Variants in EXOG observed in about 807,000 individuals in gnomAD.
EXOG encodes the protein exo/endonuclease G, also known as nuclease EXOG, mitochondrial.
Under a neutral mutation model 25.8 loss-of-function variants are expected in EXOG, and 27 were observed. The observed-to-expected ratio is 1.05, with a 90% CI of 0.77 to 1.45. EXOG has a LOEUF of 1.45. EXOG is among the 40% of genes most tolerant of loss of function. The pLI is 0.00. For synonymous variants in EXOG, 133 were observed against 167.0 expected (o/e 0.80, Z 1.57); for missense variants, 458 against 450.5 (o/e 1.02, Z -0.15).
At chr3:38,503,305 G>T (rs2060101976) in intron 3 of EXOG, among the ~76,000 whole-genome samples, 1 of 152,138 alleles carries the variant, frequency 6.6e-6, no homozygotes, top group African/African-American at 2.4e-5. Context: ...CTTTGCCAGA[G>T]GCTTAAAACC....
rs1298985572 is a variant in EXOG, at chr3:38,501,368, A to C, written c.327A>C (p.Arg109Ser). 1.2e-6 allele frequency: 2 copies of C among 1,613,434 alleles called. No homozygotes were observed. Among genetic ancestry groups the C allele is most frequent in the African/African-American group, 2.7e-5 (2 of 74,920 alleles). The change falls in exon 3 of 6, where the codon AGA (arginine) becomes AGC (serine). Residue 109 changes from arginine (R) to serine (S), a missense_variant. Physicochemically the swap from Arg to Ser is moderately radical, Grantham distance 110. Around this residue, in one of 3 missense-constraint regions of EXOG, gnomAD observed 275 missense variants for 230.5 expected, o/e 1.19. Coordinates refer to ENST00000287675, the MANE Select transcript of EXOG (RefSeq NM_005107.4). The stretch of plus-strand genomic sequence containing the variant: ...GTTTTTCTTCAGGTGATGCAGACAG[A>C]AAGCATTGTAAATTTAAGCCTGATC... The part of the protein sequence containing the change: ...SKSKIMGDAD[R>S]KHCKFKPDPN...
At chr3:38,496,906 T>C (rs1190695780) in intron 1 of EXOG, 1 of 1,164,742 alleles carries the variant, frequency 8.6e-7, no homozygotes, top group East Asian at 5.9e-5. Context: ...ACCAGCACAG[T>C]ACCTGGTACA....
At chr3:38,502,218 G>A (rs2060067651) in intron 3 of EXOG, among the ~76,000 whole-genome samples, 1 of 151,892 alleles carries the variant, frequency 6.6e-6, no homozygotes, top group Admixed American at 6.5e-5. Flanking sequence ...ACTGTGCTCA[G>A]CCACTCACTT....
chr3:38,506,187 T>G (rs372351484), intron 4 of EXOG, among the ~76,000 whole-genome samples: 1 of 151,750 alleles, frequency 6.6e-6, no homozygotes, highest in East Asian at 1.9e-4. Flanking sequence ...AAAAAAAAAA[T>G]ACTTGCCATT....
intron 5 of EXOG, among the ~76,000 whole-genome samples, chr3:38,521,955 A>G (rs1416290551): frequency 6.6e-6 from 1 of 152,218 alleles, no homozygotes; most frequent in Non-Finnish European, 1.5e-5. Flanking sequence ...TTAATTGTGG[A>G]CTTCCATAGG....
chr3:38,506,186 AT>A (rs1253201938), intron 4 of EXOG, among the ~76,000 whole-genome samples: 1 of 152,008 alleles, frequency 6.6e-6, no homozygotes, highest in African/African-American at 2.4e-5. Flanking sequence ...GAAAAAAAAA[AT>A]ACTTGCCATT....
chr3:38,510,342 G>T (rs529432132), intron 5 of EXOG, among the ~76,000 whole-genome samples: 1 of 152,232 alleles, frequency 6.6e-6, no homozygotes, highest in African/African-American at 2.4e-5. Flanking sequence ...TGCTAAAAAG[G>T]ATGTTATTGG....
intron 5 of EXOG, among the ~76,000 whole-genome samples, chr3:38,515,255 C>G (rs2060503600): frequency 6.6e-6 from 1 of 152,068 alleles, no homozygotes; most frequent in African/African-American, 2.4e-5. Context: ...ATGTATACCA[C>G]CATTTTATTT....
chr3:38,506,282 T>A (rs1465053862), intron 4 of EXOG, among the ~76,000 whole-genome samples: 1 of 152,240 alleles, frequency 6.6e-6, no homozygotes, highest in African/African-American at 2.4e-5. Flanking sequence ...GTGTTGTATT[T>A]TAATTTTTTA....
intron 1 of EXOG, chr3:38,497,336 G>T (rs1213723701): frequency 4.4e-6 from 5 of 1,123,910 alleles, no homozygotes; most frequent in Non-Finnish European, 3.3e-6. Context: ...AGATGATTTG[G>T]AAATTTGATG....
intron 3 of EXOG, among the ~76,000 whole-genome samples, chr3:38,502,185 T>C (rs1404909780): frequency 6.6e-6 from 1 of 152,056 alleles, no homozygotes; most frequent in Non-Finnish European, 1.5e-5. Context: ...CCTCCCAAAG[T>C]GCTGGGATTA....
At chr3:38,502,048 G>A (rs1378246131) in intron 3 of EXOG, among the ~76,000 whole-genome samples, 2 of 151,904 alleles carry the variant, frequency 1.3e-5, no homozygotes, top group African/African-American at 2.4e-5. Flanking sequence ...TCAGCCTCCC[G>A]AGTAGCTGGG....
rs1168710364 is a variant in EXOG at position 38,525,863 on chromosome 3, G to A, written c.*1501G>A. 9.5e-6 allele frequency: 5 copies of A among 526,174 alleles called. No individual in the cohort carries two copies. The highest frequency in any genetic ancestry group is 1.2e-5 in the Non-Finnish European group (5 of 410,482). 32.6% of individuals were successfully genotyped at this position (526,174 alleles called of 1,614,324 possible). ...GGAGGCTGAAATGGGAGGATTGCTT[G>A]AGCCTGGCAGGTCAAGGCTGCGATG... On this transcript the variant is annotated 3_prime_UTR_variant, in exon 6 of 6. Coordinates refer to ENST00000287675, the MANE Select transcript of EXOG (RefSeq NM_005107.4).
At position 38,524,755 on chromosome 3, in the gene EXOG, C is replaced by T. The variant is rs2060832140; in HGVS notation, c.*393C>T. Reference sequence around the variant, plus strand: ...GAACTAATTATTAAGGGAGCTTTGACACCTGCAGATGGAGGGCTGATCTTG... The same window carrying T: ...GAACTAATTATTAAGGGAGCTTTGATACCTGCAGATGGAGGGCTGATCTTG... On this transcript the variant is annotated 3_prime_UTR_variant, in exon 6 of 6. Coordinates refer to ENST00000287675, the MANE Select transcript of EXOG (RefSeq NM_005107.4). The T allele has an allele frequency of 5.0e-6, 5 of 990,982 alleles. No homozygotes were observed. The highest frequency in any genetic ancestry group is 3.5e-5 in the African/African-American group (2 of 57,354). 61.4% of individuals were successfully genotyped at this position (990,982 alleles called of 1,614,324 possible).
chr3:38,522,380 C>A (rs925068802), intron 5 of EXOG, among the ~76,000 whole-genome samples: 1 of 152,206 alleles, frequency 6.6e-6, no homozygotes, highest in Admixed American at 6.5e-5. Context: ...CTGACTCTTA[C>A]CAGGGAAGGG....
At chr3:38,506,574 G>C (rs1575627422) in intron 4 of EXOG, among the ~76,000 whole-genome samples, 1 of 152,150 alleles carries the variant, frequency 6.6e-6, no homozygotes, top group East Asian at 1.9e-4. Flanking sequence ...CATAAAAAAA[G>C]TTTTAAGTTC....
chr3:38,503,025 T>G (rs926454537), intron 3 of EXOG, among the ~76,000 whole-genome samples: 7 of 152,202 alleles, frequency 4.6e-5, no homozygotes, highest in Admixed American at 1.3e-4. Context: ...TCAATATTTT[T>G]AAAGCTCCCT....
intron 3 of EXOG, among the ~76,000 whole-genome samples, chr3:38,502,995 A>G (rs949563962): frequency 1.3e-5 from 2 of 152,198 alleles, no homozygotes; most frequent in African/African-American, 4.8e-5. Flanking sequence ...ACTCTCAGGG[A>G]TGAGACCCAG....
rs148655247 is a variant in EXOG at position 38,515,015 on chromosome 3, G to A, written c.645+8047G>A. ...TTGAACTCCTGACTGCAAGTGATCC[G>A]CCTGCCTTAGCCTCCCAAAGTGCTG... On this transcript the variant is annotated intron_variant, in intron 5 of 5. Transcript: ENST00000287675. 1.3e-3 allele frequency among the ~76,000 whole-genome samples: 195 copies of A among 152,196 alleles called. 1 individual carries two copies. Among genetic ancestry groups the A allele is most frequent in the African/African-American group, 4.6e-3 (190 of 41,524 alleles).
Sources: gnomAD v4.1 joint callset for allele counts (sites outside exome capture counted in the v4.1 genomes callset) on GRCh38, gnomAD v4.1.1 for gene constraint, gnomAD v4.1.1 regional missense constraint, MANE v1.5 for transcripts, NCBI Gene and HGNC (gene_info 2026-07-23, HGNC 2026-07-21) for gene names.